NSDHL: variants seen among roughly 807,000 people sequenced by gnomAD.
NSDHL encodes the protein NAD(P) dependent 3-beta-hydroxysteroid dehydrogenase NSDHL, also known as sterol-4-alpha-carboxylate 3-dehydrogenase, decarboxylating.
Under a neutral mutation model 23.0 loss-of-function variants are expected in NSDHL, and 1 was observed. The observed-to-expected ratio is 0.04, with a 90% CI of 0.02 to 0.21. The LOEUF is 0.21. Ranked by LOEUF, NSDHL falls within the 10% of genes least tolerant of loss-of-function variation. NSDHL has a pLI of 1.00. For synonymous variants in NSDHL, 128 were observed against 121.1 expected, an observed-to-expected ratio of 1.06 and a Z score of -0.37; for missense variants, 237 against 300.9, an observed-to-expected ratio of 0.79 and a Z score of 1.57.
chrX:152,843,142 T>C (rs1933220112), intron 1 of NSDHL, among the ~76,000 whole-genome samples: 2 of 112,329 alleles, frequency 1.8e-5, no homozygotes, highest in Non-Finnish European at 3.8e-5. Context: ...GTGTGATTAT[T>C]GTTTCAGCAG....
chrX:152,865,975 C>T lies in NSDHL; in HGVS notation c.686+14C>T, dbSNP rs1933601741. On this transcript the variant is annotated intron_variant, in intron 6 of 7. Transcript: ENST00000370274. Reference sequence around the variant, plus strand: ...GTTCGTGATTGGGTGAGTCAGCCCACAGCGGCTCTTCCCTAGTCCTTCCTG... The same window carrying T: ...GTTCGTGATTGGGTGAGTCAGCCCATAGCGGCTCTTCCCTAGTCCTTCCTG... 1 of 1,210,826 alleles carries T rather than the reference C, an allele frequency of 8.3e-7. No homozygotes were observed.
At chrX:152,856,658 C>A (rs1421554504) in intron 3 of NSDHL, among the ~76,000 whole-genome samples, 1 of 111,469 alleles carries the variant, frequency 9.0e-6, no homozygotes, top group Admixed American at 9.4e-5. Flanking sequence ...CAAGAAGATA[C>A]AAGAGCCAAC....
In NSDHL at chrX:152,865,908, G is replaced by T. The variant is rs782679474; in HGVS notation, c.633G>T (p.Leu211Phe). Residue 211 changes from leucine (L) to phenylalanine (F), a missense_variant, in exon 6 of 8, where the codon TTG becomes TTT. Around this residue, in one of 3 missense-constraint regions of NSDHL, gnomAD observed 39 missense variants for 98.1 expected, o/e 0.40. Coordinates refer to ENST00000370274, the MANE Select transcript of NSDHL (RefSeq NM_015922.3). ...TTTTCGGCCCAAGGGACCCGCAGTT[G>T]GTACCCATCCTCATCGAGGCAGCCA... Reference protein sequence around the residue: ...HGIFGPRDPQLVPILIEAARN... With the variant: ...HGIFGPRDPQFVPILIEAARN... 25 of 1,211,038 alleles carry T rather than the reference G, an allele frequency of 2.1e-5. No individual in the cohort carries two copies. In the South Asian group the frequency reaches 4.0e-4, roughly 20 times the overall value.
intron 3 of NSDHL, among the ~76,000 whole-genome samples, chrX:152,857,955 C>G (rs1336133294): frequency 1.8e-5 from 2 of 112,330 alleles, no homozygotes; most frequent in African/African-American, 6.5e-5. Flanking sequence ...ATGAATCATA[C>G]TTAGATCATA....
chrX:152,843,018 G>A (rs1463031991), intron 1 of NSDHL, among the ~76,000 whole-genome samples: 2 of 111,960 alleles, frequency 1.8e-5, no homozygotes, highest in Non-Finnish European at 1.9e-5. Flanking sequence ...AGACAGCTAA[G>A]CTGTCACCAA....
rs1556847236 is a variant in NSDHL, at chrX:152,858,830, T to C, written c.328T>C (p.Ser110Pro). The C allele has an allele frequency of 6.6e-6, 8 of 1,203,400 alleles. No homozygotes were observed. Among genetic ancestry groups the C allele is most frequent in the Non-Finnish European group, 9.0e-6 (8 of 887,937 alleles). The change falls in exon 4 of 8, where the codon TCC becomes CCC. Residue 110 changes from serine (S) to proline (P), a missense_variant. Ser to Pro is a moderately conservative substitution (Grantham distance 74). This residue lies in a region of NSDHL where 81 missense variants were observed against 103.3 expected (regional missense o/e 0.78). Coordinates refer to ENST00000370274, the MANE Select transcript of NSDHL (RefSeq NM_015922.3). Reference protein sequence around the residue: ...TVFHCASPPPSSNNKELFYRV... With the variant: ...TVFHCASPPPPSNNKELFYRV... ...TTTCCACTGTGCGTCACCCCCACCA[T>C]CCAGTAACAACAAGGAGCTCTTTTA...
chrX:152,841,929 T>G (rs1384633108), intron 1 of NSDHL, among the ~76,000 whole-genome samples: 7 of 112,416 alleles, frequency 6.2e-5, no homozygotes, highest in African/African-American at 2.3e-4. Flanking sequence ...ACTGAGAGTC[T>G]GTTCCCATCA....
intron 3 of NSDHL, among the ~76,000 whole-genome samples, chrX:152,853,262 C>A (rs1933388410): frequency 1.8e-5 from 2 of 109,594 alleles, no homozygotes; most frequent in African/African-American, 6.7e-5. Flanking sequence ...GCAAGCCCCT[C>A]CCCCACCACA....
intron 6 of NSDHL, among the ~76,000 whole-genome samples, chrX:152,866,568 G>A (rs782815578): frequency 1.3e-4 from 15 of 113,022 alleles, no homozygotes; most frequent in African/African-American, 4.8e-4. Flanking sequence ...CTGGAGGTTC[G>A]CAGGGAGCGT....
chrX:152,854,886 CA>C (rs1556846774), intron 3 of NSDHL, among the ~76,000 whole-genome samples: 2 of 105,334 alleles, frequency 1.9e-5, no homozygotes, highest in African/African-American at 7.2e-5. Context: ...TTTTTATAGT[CA>C]GTAGAGAGAG....
intron 1 of NSDHL, among the ~76,000 whole-genome samples, chrX:152,832,416 A>G (rs1172558932): frequency 1.8e-5 from 2 of 112,021 alleles, no homozygotes; most frequent in Non-Finnish European, 3.8e-5. Context: ...AGAGGGGCAC[A>G]TATTAGACAA....
intron 1 of NSDHL, among the ~76,000 whole-genome samples, chrX:152,842,172 A>C (rs1443146889): frequency 8.9e-6 from 1 of 112,294 alleles, no homozygotes; most frequent in Non-Finnish European, 1.9e-5. Context: ...TGCTGTGAAC[A>C]TGGATGTACA....
intron 3 of NSDHL, among the ~76,000 whole-genome samples, chrX:152,854,994 C>T (rs1402432012): frequency 9.3e-6 from 1 of 107,073 alleles, no homozygotes; most frequent in Non-Finnish European, 1.9e-5. Flanking sequence ...TATTACATAA[C>T]ACTTTTTTTT....
intron 3 of NSDHL, among the ~76,000 whole-genome samples, chrX:152,856,396 C>T: frequency 8.9e-6 from 1 of 112,100 alleles, no homozygotes; most frequent in Non-Finnish European, 1.9e-5. Context: ...GTCACTGTGA[C>T]TTTTATTATG....
chrX:152,843,295 G>C (rs1360128746), intron 1 of NSDHL, among the ~76,000 whole-genome samples: 1 of 111,840 alleles, frequency 8.9e-6, no homozygotes, highest in Non-Finnish European at 1.9e-5. Flanking sequence ...TCTGCTATTT[G>C]GATTTCGGCA....
intron 6 of NSDHL, among the ~76,000 whole-genome samples, chrX:152,866,885 G>A (rs1488474630): frequency 3.6e-5 from 4 of 112,117 alleles, no homozygotes; most frequent in African/African-American, 1.3e-4. Context: ...CTCTCAGGTA[G>A]GCTGGGAAGG....
At chrX:152,843,240 T>C (rs1315571513) in intron 1 of NSDHL, among the ~76,000 whole-genome samples, 2 of 112,032 alleles carry the variant, frequency 1.8e-5, no homozygotes, top group African/African-American at 6.5e-5. Context: ...CTCTAAGGCT[T>C]CTTGCTTTTG....
At chrX:152,851,616 G>A (rs1302404165) in intron 3 of NSDHL, among the ~76,000 whole-genome samples, 1 of 110,674 alleles carries the variant, frequency 9.0e-6, no homozygotes, top group African/African-American at 3.3e-5. Context: ...AGATGGGGTA[G>A]ACATCTTTCA....
Position 152,863,599 on chromosome X carries a change from T to A in NSDHL, c.543+875T>A, listed in dbSNP as rs781957934. Among the ~76,000 whole-genome samples the A allele has an allele frequency of 5.3e-5, 6 of 112,842 alleles. No homozygotes were observed. The South Asian group carries it at 2.2e-3, about 41-fold the overall frequency. ...CAAAACAGCTTCATCAAAGGGCACC[T>A]GATTTTAGTATGGTTGGATTCAGCC... On this transcript the variant is annotated intron_variant, in intron 5 of 7. Coordinates refer to ENST00000370274, the MANE Select transcript of NSDHL (RefSeq NM_015922.3).
Sources: gnomAD v4.1 joint callset for allele counts (sites outside exome capture counted in the v4.1 genomes callset) on GRCh38, gnomAD v4.1.1 for gene constraint, gnomAD v4.1.1 regional missense constraint, MANE v1.5 for transcripts, NCBI Gene and HGNC (gene_info 2026-07-23, HGNC 2026-07-21) for gene names.